COG3: variants seen among roughly 807,000 people sequenced by gnomAD.
COG3 encodes the protein conserved oligomeric Golgi complex subunit 3.
A neutral mutation model predicts 114.1 loss-of-function variants in COG3; 32 were observed. The ratio of observed to expected loss-of-function variants is 0.28; its 90% confidence interval spans 0.21 to 0.38. The LOEUF (loss-of-function observed/expected upper bound fraction) is 0.38. Ranked by LOEUF, COG3 falls within the 10% of genes least tolerant of loss-of-function variation. The pLI is 1.00. For synonymous variants in COG3, 352 were observed against 365.7 expected (o/e 0.96, Z 0.43); for missense variants, 813 against 973.2 (o/e 0.84, Z 2.19).
At chr13:45,504,151 T>C (rs1869860139) in intron 14 of COG3, among the ~76,000 whole-genome samples, 1 of 152,118 alleles carries the variant, frequency 6.6e-6, no homozygotes, top group South Asian at 2.1e-4. Flanking sequence ...TGTAACTCCA[T>C]GGGCTTTAAA....
At position 45,509,797 on chromosome 13, in the gene COG3, A is replaced by G. The variant is rs747597956; in HGVS notation, c.1700A>G (p.Lys567Arg). The change falls in exon 15 of 23, where the codon AAA becomes AGA. Residue 567 changes from lysine to arginine, a missense_variant. Coordinates refer to ENST00000349995, the MANE Select transcript of COG3 (RefSeq NM_031431.4). ...CGAAGAACTCTTGTCTGTCTCTCCA[A>G]ATTATACAGATGCATAGATGTACGT... ...TVRRTLVCLS[K>R]LYRCIDRAVF... The G allele has an allele frequency of 9.3e-6, 15 of 1,613,228 alleles. No individual in the cohort carries two copies. The highest frequency in any genetic ancestry group is 8.0e-5 in the African/African-American group (6 of 74,926).
At chr13:45,521,599 A>ACACG (rs1383258591) in intron 19 of COG3, among the ~76,000 whole-genome samples, 10 of 152,016 alleles carry the variant, frequency 6.6e-5, no homozygotes, top group Non-Finnish European at 1.3e-4. Flanking sequence ...ACACACACAC[A>ACACG]CACGCAACCA....
At chr13:45,492,305 A>G (rs1887065800) in intron 11 of COG3, 55 bp downstream of exon 11, 2 of 967,200 alleles carry the variant, frequency 2.1e-6, no homozygotes, top group Non-Finnish European at 3.2e-6. Flanking sequence ...GCTAATGACC[A>G]TAATGAATCA....
At chr13:45,466,970 G>A (rs1369986747) in intron 1 of COG3, among the ~76,000 whole-genome samples, 3 of 152,170 alleles carry the variant, frequency 2.0e-5, no homozygotes, top group African/African-American at 7.2e-5. Flanking sequence ...CATAATTGTG[G>A]GGATCATGAA....
chr13:45,496,247 G>A lies in COG3; in HGVS notation c.1423G>A (p.Asp475Asn), dbSNP rs375306906. ...VYRTHIYIQT[D>N]ITGYKPAPGD... ...CCGAACCCACATCTATATTCAGACG[G>A]ACATCACGGGCTATAAACCAGCTCC... is the stretch of plus-strand genomic sequence containing the variant. The change falls in exon 13 of 23, where the codon GAC (aspartate) becomes AAC (asparagine). Residue 475 changes from aspartate to asparagine, a missense_variant. Asp to Asn is a conservative substitution (Grantham distance 23). This residue lies in a region of COG3 where 389 missense variants were observed against 542.6 expected (regional missense o/e 0.72). Transcript: ENST00000349995. 3 of 1,612,416 alleles carry A rather than the reference G, an allele frequency of 1.9e-6. No homozygotes were observed. The highest frequency in any genetic ancestry group is 2.7e-5 in the African/African-American group (2 of 74,836).
At chr13:45,512,318 C>G (rs1870952975) in intron 16 of COG3, among the ~76,000 whole-genome samples, 1 of 152,128 alleles carries the variant, frequency 6.6e-6, no homozygotes, top group African/African-American at 2.4e-5. Flanking sequence ...GTCACCATGA[C>G]TGTATGGCTT....
chr13:45,528,412 C>A (rs907474575), intron 20 of COG3, among the ~76,000 whole-genome samples: 1 of 152,250 alleles, frequency 6.6e-6, no homozygotes, highest in Non-Finnish European at 1.5e-5. Context: ...GGGTCTGGAT[C>A]AGGACCCCTT....
chr13:45,475,018 C>T (rs1341509635), intron 1 of COG3, among the ~76,000 whole-genome samples: 2 of 152,086 alleles, frequency 1.3e-5, no homozygotes, highest in Non-Finnish European at 2.9e-5. Flanking sequence ...TACTGTAGGT[C>T]TAATATTGTC....
intron 14 of COG3, among the ~76,000 whole-genome samples, chr13:45,507,217 T>C (rs932666173): frequency 2.6e-5 from 4 of 152,248 alleles, no homozygotes; most frequent in African/African-American, 9.6e-5. Flanking sequence ...GGCACTTTAT[T>C]TTGAAGAAGG....
intron 16 of COG3, 53 bp downstream of exon 16, chr13:45,511,907 A>G: frequency 1.4e-6 from 2 of 1,389,526 alleles, no homozygotes; most frequent in East Asian, 2.3e-5. Flanking sequence ...ATTGTGGAAT[A>G]TAGCATTTAC....
At chr13:45,500,333 T>C (rs991194613) in intron 13 of COG3, among the ~76,000 whole-genome samples, 4 of 152,156 alleles carry the variant, frequency 2.6e-5, no homozygotes, top group African/African-American at 9.7e-5. Flanking sequence ...AATTAGTTTA[T>C]ATAAGGAGTG....
chr13:45,476,281 A>G lies in COG3; in HGVS notation c.255A>G (p.Glu85=), dbSNP rs3751350. 3.1e-5 allele frequency: 50 copies of G among 1,613,934 alleles called. No individual in the cohort carries two copies. The East Asian group carries it at 1.0e-3, about 34-fold the overall frequency. ...ELTSVVPEST[E]DILLKGFTSL... is the part of the protein sequence containing the mutation. ...CTTCAGTAGTGCCTGAATCTACAGA[A>G]GACATTCTCTTGAAGGGCTTCACTT... Residue 85 remains glutamate (E), a synonymous_variant, in exon 2 of 23, where the codon GAA becomes GAG. Coordinates refer to ENST00000349995, the MANE Select transcript of COG3 (RefSeq NM_031431.4).
chr13:45,498,521 T>A (rs1218882626), intron 13 of COG3, among the ~76,000 whole-genome samples: 3 of 152,088 alleles, frequency 2.0e-5, no homozygotes, highest in Non-Finnish European at 4.4e-5. Context: ...TCCAGTTTCA[T>A]TCTTCTGCAT....
intron 13 of COG3, among the ~76,000 whole-genome samples, chr13:45,501,678 CA>C (rs1869552780): frequency 6.6e-6 from 1 of 152,118 alleles, no homozygotes; most frequent in Admixed American, 6.6e-5. Flanking sequence ...CTCGTTGCTA[CA>C]GGGGTATTGT....
intron 21 of COG3, 104 bp from the exon 22 acceptor site, chr13:45,530,578 C>A (rs1228565056): frequency 9.6e-6 from 7 of 727,580 alleles, no homozygotes; most frequent in Non-Finnish European, 1.5e-5. Context: ...ATGAAAGATA[C>A]ATCGCTTCCA....
intron 14 of COG3, among the ~76,000 whole-genome samples, chr13:45,506,415 G>A (rs921754270): frequency 3.3e-5 from 5 of 152,252 alleles, no homozygotes; most frequent in Non-Finnish European, 7.4e-5. Flanking sequence ...TGTAGTTTGC[G>A]TAAACAGGTG....
At chr13:45,480,710 C>T (rs373144190) in intron 4 of COG3, among the ~76,000 whole-genome samples, 21 of 152,236 alleles carry the variant, frequency 1.4e-4, no homozygotes, top group African/African-American at 3.4e-4. Flanking sequence ...GGATTACAGG[C>T]GTGTGCCACC....
intron 1 of COG3, 195 bp downstream of exon 1, chr13:45,465,405 A>G: frequency 1.1e-6 from 1 of 945,580 alleles, no homozygotes; most frequent in East Asian, 2.9e-5. Flanking sequence ...CCCGACTCTA[A>G]TTCTGCCTGG....
chr13:45,536,410 G>C lies in COG3; in HGVS notation c.*1679G>C, dbSNP rs1218790969. 3.9e-5 allele frequency: 6 copies of C among 152,074 alleles called. No homozygotes were observed. The highest frequency in any genetic ancestry group is 1.4e-4 in the African/African-American group (6 of 41,394). The allele number at this position is 152,074 out of a possible 1,614,324, so 9.4% of individuals were successfully genotyped here. ...TCTTGTCTTTTGATCTTTTATTTCT[G>C]AAACACTCAAACACCTTACAAAGTG... On this transcript the variant is annotated 3_prime_UTR_variant, in exon 23 of 23. Coordinates refer to ENST00000349995, the MANE Select transcript of COG3 (RefSeq NM_031431.4).
Sources: gnomAD v4.1 joint callset for allele counts (sites outside exome capture counted in the v4.1 genomes callset) on GRCh38, gnomAD v4.1.1 for gene constraint, gnomAD v4.1.1 regional missense constraint, MANE v1.5 for transcripts, NCBI Gene and HGNC (gene_info 2026-07-23, HGNC 2026-07-21) for gene names.